The following RUSC2 variants were observed in gnomAD, a reference collection of about 807,000 sequenced individuals.
The protein encoded by RUSC2 is AP-4 complex accessory subunit RUSC2.
In RUSC2, 34 loss-of-function variants were observed where a neutral mutation model predicts 122.2. The ratio of observed to expected loss-of-function variants is 0.28; its 90% confidence interval spans 0.21 to 0.37. The LOEUF (loss-of-function observed/expected upper bound fraction) is 0.37. RUSC2 is among the 10% of genes least tolerant of loss of function. The probability of loss-of-function intolerance (pLI) is 1.00; values close to 1 mark genes in which losing one functional copy is unlikely to be tolerated. For missense variants in RUSC2, 1,747 were observed against 1,952.4 expected (o/e 0.89, Z 1.98); for synonymous variants, 784 against 790.0 (o/e 0.99, Z 0.13).
Position 35,528,807 on chromosome 9 carries a change from C to T in RUSC2, c.-92-17623C>T, listed in dbSNP as rs538373364. ...ACTTTTTAAATTAGCTTAAAAGGGC[C>T]GGGCATGGTGTCTCACACCTTTAAT... On this transcript the variant is annotated intron_variant, in intron 1 of 11. Coordinates refer to ENST00000361226, the MANE Select transcript of RUSC2 (RefSeq NM_014806.5). Among the ~76,000 whole-genome samples the T allele has an allele frequency of 9.2e-5, 14 of 152,206 alleles. No individual in the cohort carries two copies. In the South Asian group the frequency reaches 1.2e-3, roughly 14 times the overall value.
At position 35,547,920 on chromosome 9, in the gene RUSC2, G is replaced by T. The variant is rs754132842; in HGVS notation, c.1399G>T (p.Ala467Ser). Residue 467 changes from alanine (A) to serine (S), a missense_variant, in exon 2 of 12, where the codon GCA becomes TCA. Ala to Ser is a moderately conservative substitution (Grantham distance 99, BLOSUM62 1). Transcript: ENST00000361226. This position sits in a 1 kb window ranked among gnomAD's most constrained non-coding sequence, Gnocchi z 4.6. Reference sequence around the variant, plus strand: ...AGAAGCAGTGAGTTCCTCCACCCAAGCAGCAGCTGCTGTGGGCCCCACTGT... The same window carrying T: ...AGAAGCAGTGAGTTCCTCCACCCAATCAGCAGCTGCTGTGGGCCCCACTGT... Reference protein sequence around the residue: ...EQEAVSSSTQAAAAVGPTVLE... With the variant: ...EQEAVSSSTQSAAAVGPTVLE... 6.2e-7 allele frequency: 1 copy of T among 1,614,244 alleles called. No homozygotes were observed. Among genetic ancestry groups the T allele is most frequent in the Non-Finnish European group, 8.5e-7 (1 of 1,180,048 alleles).
intron 1 of RUSC2, among the ~76,000 whole-genome samples, chr9:35,506,188 T>C (rs1329325300): frequency 2.0e-5 from 3 of 152,188 alleles, no homozygotes; most frequent in African/African-American, 2.4e-5. Context: ...GTGATGAAAA[T>C]ATTTCAAAGT....
Position 35,555,868 on chromosome 9 carries a change from T to C in RUSC2, c.2657-84T>C, listed in dbSNP as rs549419026. On this transcript the variant is annotated intron_variant, in intron 3 of 11. Transcript: ENST00000361226. This position sits in a 1 kb window ranked among gnomAD's most constrained non-coding sequence, Gnocchi z 4.6. The stretch of plus-strand genomic sequence containing the variant: ...TATCCACAGATAATCTAGTGTTTCA[T>C]ATGGGCCCACTGGGTGGATGTGAAA... 6 of 1,514,418 alleles carry C rather than the reference T, an allele frequency of 4.0e-6. No individual in the cohort carries two copies. Among genetic ancestry groups the C allele is most frequent in the Non-Finnish European group, 5.4e-6 (6 of 1,114,324 alleles). The allele number at this position is 1,514,418 out of a possible 1,614,324, so 93.8% of individuals were successfully genotyped here.
At chr9:35,549,828 T>C (rs1193802445) in intron 2 of RUSC2, among the ~76,000 whole-genome samples, 4 of 152,198 alleles carry the variant, frequency 2.6e-5, no homozygotes, top group Admixed American at 1.3e-4. Flanking sequence ...TGTTTTTGTT[T>C]GGTTTGGTTT....
At chr9:35,492,236 T>C (rs1820582233) in intron 1 of RUSC2, among the ~76,000 whole-genome samples, 1 of 152,114 alleles carries the variant, frequency 6.6e-6, no homozygotes. Context: ...AGTCCTGTAT[T>C]TTTACTTGCT....
rs764178265 is a variant in RUSC2 at position 35,555,734 on chromosome 9, CCACCT to C, written c.2656+37_2656+41del. The C allele has an allele frequency of 1.2e-5, 18 of 1,562,192 alleles. No individual in the cohort carries two copies. The Admixed American group carries it at 3.5e-4, about 30-fold the overall frequency. On this transcript the variant is annotated intron_variant, in intron 3 of 11. Transcript: ENST00000361226. The surrounding 1 kb of genome is among the most constrained non-coding windows in gnomAD (Gnocchi z 4.6). Reference sequence around the variant, plus strand: ...CTCCAGCATCTCCCTACCCAACCCGCCACCTCACGCAAGCACTTCCACCACCTCCC... The same window carrying C: ...CTCCAGCATCTCCCTACCCAACCCGCCACGCAAGCACTTCCACCACCTCCC...
intron 1 of RUSC2, among the ~76,000 whole-genome samples, chr9:35,525,776 C>T (rs1821312608): frequency 6.6e-6 from 1 of 152,084 alleles, no homozygotes; most frequent in Admixed American, 6.5e-5. Flanking sequence ...TCCAGCAAGC[C>T]TCAGCCACCT....
chr9:35,521,742 G>A lies in RUSC2; in HGVS notation c.-92-24688G>A, dbSNP rs150545763. ...GAAGCCTAATAAGGCAGCAACTGGT[G>A]TGTCTGGGACAGCCCTTCAGGCTAG... On this transcript the variant is annotated intron_variant, in intron 1 of 11. Coordinates refer to ENST00000361226, the MANE Select transcript of RUSC2 (RefSeq NM_014806.5). Among the ~76,000 whole-genome samples the A allele has an allele frequency of 2.9e-3, 438 of 152,380 alleles. 4 individuals carry two copies. Among genetic ancestry groups the A allele is most frequent in the African/African-American group, 0.01 (416 of 41,592 alleles).
chr9:35,493,316 A>G (rs1254028443), intron 1 of RUSC2, among the ~76,000 whole-genome samples: 1 of 152,044 alleles, frequency 6.6e-6, no homozygotes, highest in Non-Finnish European at 1.5e-5. Flanking sequence ...ACATGATCTC[A>G]TTCTTTTTTA....
At chr9:35,534,593 T>C (rs1200564057) in intron 1 of RUSC2, among the ~76,000 whole-genome samples, 2 of 152,252 alleles carry the variant, frequency 1.3e-5, no homozygotes, top group Admixed American at 1.3e-4. Flanking sequence ...GCACCTCTTG[T>C]GCCTTAGCCT....
At chr9:35,503,550 C>T (rs777662436) in intron 1 of RUSC2, among the ~76,000 whole-genome samples, 19 of 152,124 alleles carry the variant, frequency 1.2e-4, no homozygotes, top group Non-Finnish European at 2.4e-4. Flanking sequence ...AATTGCCAAT[C>T]GTGCTGCTAT....
At chr9:35,559,294 G>C (rs760740547) in intron 9 of RUSC2, 22 bp downstream of exon 9, 1 of 1,599,482 alleles carries the variant, frequency 6.3e-7, no homozygotes. Context: ...AACCCTGCAG[G>C]TCAAACTCAA....
chr9:35,537,693 T>G (rs149103810), intron 1 of RUSC2, among the ~76,000 whole-genome samples: 44 of 152,324 alleles, frequency 2.9e-4, no homozygotes, highest in African/African-American at 1.0e-3. Context: ...GGGATAGCTG[T>G]TATGGTCTTG....
chr9:35,502,844 TTTTTTTGTTTTTG>T (rs1431308617), intron 1 of RUSC2, among the ~76,000 whole-genome samples: 13 of 152,132 alleles, frequency 8.5e-5, no homozygotes, highest in Admixed American at 1.3e-4. Flanking sequence ...CTTAGATAAG[TTTTTTTGTTTTTG>T]TTTTTTGTTT....
At chr9:35,552,294 G>T (rs1821915966) in intron 2 of RUSC2, among the ~76,000 whole-genome samples, 1 of 152,204 alleles carries the variant, frequency 6.6e-6, no homozygotes, top group Non-Finnish European at 1.5e-5. Context: ...CTGGAAGGCG[G>T]AAGTTGCAGT....
intron 1 of RUSC2, among the ~76,000 whole-genome samples, chr9:35,542,711 C>T (rs886312049): frequency 6.6e-6 from 1 of 152,238 alleles, no homozygotes; most frequent in Admixed American, 6.5e-5. Context: ...GTGCTCCAGT[C>T]TGGGAGATAG....
In RUSC2 at chr9:35,547,706, T is replaced by C. The variant is rs1347159681; in HGVS notation, c.1185T>C (p.Asn395=). 6 of 1,614,000 alleles carry C rather than the reference T, an allele frequency of 3.7e-6. No individual in the cohort carries two copies. The highest frequency in any genetic ancestry group is 1.1e-5 in the South Asian group (1 of 91,082). Residue 395 remains asparagine (N), a synonymous_variant, in exon 2 of 12, where the codon AAT becomes AAC. Transcript: ENST00000361226. The surrounding 1 kb of genome is among the most constrained non-coding windows in gnomAD (Gnocchi z 4.6). Reference sequence around the variant, plus strand: ...CCCGTCTTGTTGTGGCCACACAAAATTACTATAAACTTGTCACCTGTGACC... The same window carrying C: ...CCCGTCTTGTTGTGGCCACACAAAACTACTATAAACTTGTCACCTGTGACC... ...SQARLVVATQ[N]YYKLVTCDLS...
chr9:35,555,195 C>T lies in RUSC2; in HGVS notation c.2150C>T (p.Ser717Phe), dbSNP rs769746982. The change falls in exon 3 of 12, where the codon TCC becomes TTC. Residue 717 changes from serine (S) to phenylalanine (F), a missense_variant. Transcript: ENST00000361226. The surrounding 1 kb of genome is among the most constrained non-coding windows in gnomAD (Gnocchi z 4.6). ...AAGGCCCGGGCCCTCCACAGCCTTT[C>T]CCAGCTCTACAGCCTCTCAGGCTGC... ...LAKARALHSL[S>F]QLYSLSGCSR... 2.5e-6 allele frequency: 4 copies of T among 1,613,376 alleles called. No homozygotes were observed. The highest frequency in any genetic ancestry group is 3.4e-6 in the Non-Finnish European group (4 of 1,180,030).
At chr9:35,541,094 T>C (rs1384021555) in intron 1 of RUSC2, among the ~76,000 whole-genome samples, 1 of 152,160 alleles carries the variant, frequency 6.6e-6, no homozygotes, top group Non-Finnish European at 1.5e-5. Context: ...AGGGCTCTCA[T>C]AGAAAGCTTT....
Sources: gnomAD v4.1 joint callset for allele counts (sites outside exome capture counted in the v4.1 genomes callset) on GRCh38, gnomAD v4.1.1 for gene constraint, Gnocchi (gnomAD v3.1) non-coding constraint, MANE v1.5 for transcripts, NCBI Gene and HGNC (gene_info 2026-07-23, HGNC 2026-07-21) for gene names.